STK31: variants seen among roughly 807,000 people sequenced by gnomAD.
The protein encoded by STK31 is serine/threonine-protein kinase 31.
STK31 carries 89 observed loss-of-function variants against 129.7 expected under a neutral mutation model. The ratio of observed to expected loss-of-function variants is 0.69; its 90% CI spans 0.58 to 0.82. The LOEUF (loss-of-function observed/expected upper bound fraction) is 0.82, where lower values mean the gene tolerates loss of function less well. Ranked by LOEUF, STK31 falls within the 40% of genes least tolerant of loss-of-function variation. The probability of loss-of-function intolerance (pLI) is 0.00; values close to 1 mark genes in which losing one functional copy is unlikely to be tolerated. For synonymous variants in STK31, 448 were observed against 395.3 expected, an observed-to-expected ratio of 1.13 and a Z score of -1.58; for missense variants, 1,187 against 1,176.4, an observed-to-expected ratio of 1.01 and a Z score of -0.13.
At chr7:23,825,169 A>G (rs1238010144) in intron 23 of STK31, among the ~76,000 whole-genome samples, 1 of 152,170 alleles carries the variant, frequency 6.6e-6, no homozygotes, top group African/African-American at 2.4e-5. Context: ...TTTCAGAAGG[A>G]ATGGTACCAG....
chr7:23,771,974 G>A, intron 14 of STK31, 173 bp from the exon 15 acceptor site: 1 of 428,322 alleles, frequency 2.3e-6, no homozygotes, highest in Non-Finnish European at 4.0e-6. Flanking sequence ...ATAGAAACAT[G>A]GATTAAAAAG....
chr7:23,819,201 C>T (rs1793644000), intron 23 of STK31, among the ~76,000 whole-genome samples: 1 of 152,002 alleles, frequency 6.6e-6, no homozygotes, highest in East Asian at 1.9e-4. Context: ...TAATTGTTTG[C>T]ACCTAGGGAA....
chr7:23,788,708 G>A (rs1791445462), intron 21 of STK31, among the ~76,000 whole-genome samples: 1 of 152,016 alleles, frequency 6.6e-6, no homozygotes, highest in African/African-American at 2.4e-5. Flanking sequence ...TATTTTAATT[G>A]AGAAATAAAA....
In STK31 at chr7:23,781,973, A is replaced by G. The variant is rs148506667; in HGVS notation, c.2067+453A>G. ...CAGTGAAAACATTAATGGAGCACAT[A>G]ATTTAGTTGAAGAATGTAACAAAAT... is the stretch of plus-strand genomic sequence containing the variant. On this transcript the variant is annotated intron_variant, in intron 16 of 23. Transcript: ENST00000355870. 1.6e-4 allele frequency among the ~76,000 whole-genome samples: 24 copies of G among 152,288 alleles called. No homozygotes were observed. The East Asian group carries it at 4.6e-3, about 29-fold the overall frequency.
intron 22 of STK31, among the ~76,000 whole-genome samples, chr7:23,791,555 A>G (rs1302800036): frequency 6.6e-6 from 1 of 152,192 alleles, no homozygotes; most frequent in Non-Finnish European, 1.5e-5. Context: ...CTGTACACCA[A>G]ACTCCCATGA....
At chr7:23,824,807 AG>A (rs1344015070) in intron 23 of STK31, among the ~76,000 whole-genome samples, 1 of 151,240 alleles carries the variant, frequency 6.6e-6, no homozygotes, top group Non-Finnish European at 1.5e-5. Flanking sequence ...TTTAGCATGA[AG>A]CGTTGTTGAA....
chr7:23,748,194 C>G (rs1419745967), intron 8 of STK31, among the ~76,000 whole-genome samples: 1 of 152,078 alleles, frequency 6.6e-6, no homozygotes, highest in African/African-American at 2.4e-5. Context: ...GAGATTTCTT[C>G]TTTGACTCAT....
At position 23,757,328 on chromosome 7, in the gene STK31, G is replaced by A. The variant is rs1015796459; in HGVS notation, c.1293+2854G>A. ...GAAAGAAAAGTGGGCCCAAGGGACC[G>A]GCGCTCAGCATGTGGAGGACCCGCG... On this transcript the variant is annotated intron_variant, in intron 10 of 23. Coordinates refer to ENST00000355870, the MANE Select transcript of STK31 (RefSeq NM_031414.5). Among the ~76,000 whole-genome samples, 7 of 152,038 alleles carry A rather than the reference G, an allele frequency of 4.6e-5. No individual in the cohort carries two copies. In the South Asian group the frequency reaches 6.2e-4, roughly 14 times the overall value.
At chr7:23,815,278 C>A in intron 23 of STK31, 66 bp downstream of exon 23, 1 of 1,137,666 alleles carries the variant, frequency 8.8e-7, no homozygotes, top group Non-Finnish European at 1.2e-6. Context: ...AGATATCTGA[C>A]TGAAAGTTGT....
chr7:23,831,589 A>G (rs1794550744), intron 23 of STK31, among the ~76,000 whole-genome samples: 1 of 152,200 alleles, frequency 6.6e-6, no homozygotes, highest in African/African-American at 2.4e-5. Flanking sequence ...TGATACATGC[A>G]TGAGGGTTAA....
rs1787685517 is a variant in STK31, at chr7:23,735,839, A to T, written c.785A>T (p.Lys262Ile). The T allele has an allele frequency of 6.2e-7, 1 of 1,607,096 alleles. No homozygotes were observed. The highest frequency in any genetic ancestry group is 1.3e-5 in the African/African-American group (1 of 74,578). ...FSRPKGHLSE[K>I]MTLDLKDEND... The stretch of plus-strand genomic sequence containing the variant: ...AGGCCCAAGGGGCACTTAAGTGAGA[A>T]AATGACTCTTGACTTGAAGGATGAA... The change falls in exon 7 of 24, where the codon AAA becomes ATA. Residue 262 changes from lysine to isoleucine, a missense_variant. Around this residue, in one of 5 missense-constraint regions of STK31, gnomAD observed 975 missense variants for 934.9 expected, o/e 1.04. Transcript: ENST00000355870.
chr7:23,735,551 TG>T lies in STK31; in HGVS notation c.501del (p.Ser168AlafsTer2). On this transcript the variant is annotated frameshift_variant, in exon 7 of 24. Transcript: ENST00000355870. LOFTEE classifies it high-confidence loss of function. ...CTTCTTTCTTAGGGCACAACCTTTT[TG>T]GGGAGCTTGATTTTTGAAAAGGAAA... is the stretch of plus-strand genomic sequence containing the variant. ...VTQFDQGTTF[L>X]GSLIFEKEIK... is the part of the protein sequence containing the mutation. The T allele has an allele frequency of 1.2e-6, 2 of 1,600,074 alleles. No individual in the cohort carries two copies. Among genetic ancestry groups the T allele is most frequent in the Non-Finnish European group, 1.7e-6 (2 of 1,172,198 alleles).
chr7:23,824,269 T>A (rs1793972732), intron 23 of STK31, among the ~76,000 whole-genome samples: 2 of 152,252 alleles, frequency 1.3e-5, no homozygotes, highest in South Asian at 4.1e-4. Context: ...CCTCTTTTAC[T>A]TCATTGAGCA....
chr7:23,731,504 A>G (rs1787430994), intron 6 of STK31, among the ~76,000 whole-genome samples: 1 of 152,198 alleles, frequency 6.6e-6, no homozygotes, highest in Non-Finnish European at 1.5e-5. Context: ...TTTCCCTGCC[A>G]GGTAGGTGTT....
rs780593481 is a variant in STK31, at chr7:23,717,594, T to C, written c.249+15T>C. On this transcript the variant is annotated intron_variant, in intron 4 of 23. Transcript: ENST00000355870. Reference sequence around the variant, plus strand: ...ACCCAAACAAGGTGAGCCATATTCTTGAATATAATTATTTCATTCCTCCTG... The same window carrying C: ...ACCCAAACAAGGTGAGCCATATTCTCGAATATAATTATTTCATTCCTCCTG... The C allele has an allele frequency of 6.4e-7, 1 of 1,574,108 alleles. No homozygotes were observed. The highest frequency in any genetic ancestry group is 8.7e-7 in the Non-Finnish European group (1 of 1,147,650).
At chr7:23,739,927 A>G (rs369115821) in intron 8 of STK31, among the ~76,000 whole-genome samples, 6 of 151,854 alleles carry the variant, frequency 4.0e-5, no homozygotes, top group East Asian at 3.9e-4. Context: ...AGGTTTGTTC[A>G]TTTTGCTTAG....
At chr7:23,769,865 T>G in intron 13 of STK31, 109 bp downstream of exon 13, 1 of 637,852 alleles carries the variant, frequency 1.6e-6, no homozygotes, top group Non-Finnish European at 2.6e-6. Context: ...TTAGAAAGTA[T>G]TAAGACTGAT....
rs1221665317 is a variant in STK31, at chr7:23,815,230, C to T, written c.2829+18C>T. 2 of 1,538,560 alleles carry T rather than the reference C, an allele frequency of 1.3e-6. No individual in the cohort carries two copies. The highest frequency in any genetic ancestry group is 2.4e-5 in the East Asian group (1 of 42,414). The stretch of plus-strand genomic sequence containing the variant: ...TTCATCTGGTATGTGACCTTTTTGA[C>T]ATTTACTGGTTTGAAACACATGCAG... On this transcript the variant is annotated intron_variant, in intron 23 of 23. Coordinates refer to ENST00000355870, the MANE Select transcript of STK31 (RefSeq NM_031414.5).
At chr7:23,760,408 G>C (rs1406635582) in intron 10 of STK31, among the ~76,000 whole-genome samples, 4 of 152,186 alleles carry the variant, frequency 2.6e-5, no homozygotes, top group Admixed American at 2.6e-4. Flanking sequence ...GTTTAGTTTG[G>C]AGAAGGGATT....
Sources: gnomAD v4.1 joint callset for allele counts (sites outside exome capture counted in the v4.1 genomes callset) on GRCh38, gnomAD v4.1.1 for gene constraint, gnomAD v4.1.1 regional missense constraint, MANE v1.5 for transcripts, NCBI Gene and HGNC (gene_info 2026-07-23, HGNC 2026-07-21) for gene names.